The following AQR variants were observed in gnomAD, a reference collection of about 807,000 sequenced individuals.
The protein encoded by AQR is aquarius intron-binding spliceosomal factor.
Under a neutral mutation model 180.5 loss-of-function variants are expected in AQR, and 61 were observed. The observed-to-expected ratio is 0.34, with a 90% CI of 0.28 to 0.42. The LOEUF (loss-of-function observed/expected upper bound fraction) is 0.42, where lower values mean the gene tolerates loss of function less well. AQR is among the 10% of genes least tolerant of loss of function. The probability of loss-of-function intolerance (pLI) is 1.00; values close to 1 mark genes in which losing one functional copy is unlikely to be tolerated. For missense variants in AQR, 1,281 were observed against 1,798.3 expected, an observed-to-expected ratio of 0.71 and a Z score of 5.20; for synonymous variants, 551 against 588.8, an observed-to-expected ratio of 0.94 and a Z score of 0.93.
At chr15:34,968,378 G>C (rs537282040) in intron 1 of AQR, among the ~76,000 whole-genome samples, 1 of 151,468 alleles carries the variant, frequency 6.6e-6, no homozygotes, top group Non-Finnish European at 1.5e-5. Flanking sequence ...TCAGCCTCCC[G>C]AGTAGCTGGG....
intron 2 of AQR, among the ~76,000 whole-genome samples, chr15:34,963,655 C>T (rs910951357): frequency 2.3e-5 from 3 of 131,460 alleles, no homozygotes; most frequent in Non-Finnish European, 3.3e-5. Context: ...AAATTATACA[C>T]GTACACTTTT....
intron 19 of AQR, among the ~76,000 whole-genome samples, chr15:34,901,394 A>C (rs1893329453): frequency 6.6e-6 from 1 of 152,234 alleles, no homozygotes; most frequent in Non-Finnish European, 1.5e-5. Context: ...AAAAGCGAAC[A>C]AAATGATAAA....
intron 3 of AQR, among the ~76,000 whole-genome samples, chr15:34,958,048 A>G (rs1894351133): frequency 6.6e-6 from 1 of 151,888 alleles, no homozygotes; most frequent in Non-Finnish European, 1.5e-5. Context: ...CTCTACTAAA[A>G]ATACAAAAAA....
chr15:34,890,905 T>C (rs1412844242), intron 23 of AQR, among the ~76,000 whole-genome samples: 1 of 152,186 alleles, frequency 6.6e-6, no homozygotes, highest in Non-Finnish European at 1.5e-5. Flanking sequence ...ATAATTAGGG[T>C]TCCCTCGAAT....
intron 24 of AQR, 85 bp downstream of exon 24, chr15:34,890,130 C>A (rs1278688852): frequency 1.7e-6 from 2 of 1,183,172 alleles, no homozygotes; most frequent in Admixed American, 4.4e-5. Context: ...TTTCAGTATT[C>A]ATTGCTTTCT....
chr15:34,963,033 G>A (rs536684391), intron 2 of AQR, among the ~76,000 whole-genome samples: 19 of 152,288 alleles, frequency 1.2e-4, no homozygotes, highest in South Asian at 4.1e-4. Flanking sequence ...CTGGAGTGCA[G>A]TGGCCTGATT....
chr15:34,884,906 C>G (rs1292560432), intron 25 of AQR, among the ~76,000 whole-genome samples, 172 bp from the exon 26 acceptor site: 2 of 152,180 alleles, frequency 1.3e-5, no homozygotes. Context: ...GATTGCTCTT[C>G]TGTTATAAAA....
chr15:34,863,682 C>T (rs921031367), intron 32 of AQR, among the ~76,000 whole-genome samples: 1 of 152,022 alleles, frequency 6.6e-6, no homozygotes, highest in African/African-American at 2.4e-5. Flanking sequence ...AGTGATAAAA[C>T]GGTTAAACTG....
Position 34,855,915 on chromosome 15 carries a change from C to A in AQR, c.*877G>T, listed in dbSNP as rs1030353798. ...TGAAGGTCTCCTTGTGGCTGGTTAT[C>A]CCAAGAAAAATAAGGCAGAAAACTC... On this transcript the variant is annotated 3_prime_UTR_variant, in exon 35 of 35. Coordinates refer to ENST00000156471, the MANE Select transcript of AQR (RefSeq NM_014691.3). The A allele has an allele frequency of 6.6e-6, 1 of 152,160 alleles. No individual in the cohort carries two copies. The highest frequency in any genetic ancestry group is 1.5e-5 in the Non-Finnish European group (1 of 68,032). The allele number at this position is 152,160 out of a possible 1,614,324, so 9.4% of individuals were successfully genotyped here.
At chr15:34,959,284 T>C (rs933479203) in intron 3 of AQR, among the ~76,000 whole-genome samples, 1 of 152,128 alleles carries the variant, frequency 6.6e-6, no homozygotes, top group Non-Finnish European at 1.5e-5. Context: ...CACTTCATCC[T>C]CTTGAGTAAC....
chr15:34,860,915 C>A (rs1447204725), intron 33 of AQR, among the ~76,000 whole-genome samples: 2 of 152,098 alleles, frequency 1.3e-5, no homozygotes, highest in Admixed American at 6.6e-5. Context: ...TAGCTTCTGA[C>A]AACAATCTAA....
chr15:34,872,988 T>G (rs1226044754), intron 30 of AQR, among the ~76,000 whole-genome samples: 1 of 152,136 alleles, frequency 6.6e-6, no homozygotes, highest in Non-Finnish European at 1.5e-5. Flanking sequence ...CTTTTTAAAA[T>G]GAGATACTGT....
intron 15 of AQR, among the ~76,000 whole-genome samples, chr15:34,916,209 T>C (rs1175306480): frequency 1.3e-5 from 2 of 152,212 alleles, no homozygotes; most frequent in Admixed American, 6.5e-5. Flanking sequence ...TTACATTGCA[T>C]AAATCAATCT....
In AQR at chr15:34,898,800, C is replaced by T. The variant is rs556849276; in HGVS notation, c.2244-1095G>A. 5.3e-5 allele frequency among the ~76,000 whole-genome samples: 8 copies of T among 151,310 alleles called. No individual in the cohort carries two copies. The East Asian group carries it at 1.2e-3, about 22-fold the overall frequency. ...TCAGGAGGCTGAGGCAGGAGAATGG[C>T]GTGAACCCGGGAGGCAGAGCTTGCA... On this transcript the variant is annotated intron_variant, in intron 20 of 34. Coordinates refer to ENST00000156471, the MANE Select transcript of AQR (RefSeq NM_014691.3).
chr15:34,902,713 G>A (rs192782647), intron 19 of AQR, among the ~76,000 whole-genome samples: 4 of 152,256 alleles, frequency 2.6e-5, no homozygotes, highest in African/African-American at 7.2e-5. Flanking sequence ...TTTCAGTGAA[G>A]TAACTGAGAT....
intron 33 of AQR, among the ~76,000 whole-genome samples, chr15:34,862,087 C>T (rs8033978): frequency 0.027 from 4,083 of 152,010 alleles, 197 homozygotes; most frequent in African/African-American, 0.092. Flanking sequence ...AACTGGTTAC[C>T]TATGGAGGGA....
intron 19 of AQR, 99 bp from the exon 20 acceptor site, chr15:34,900,962 G>A (rs934680108): frequency 7.0e-6 from 10 of 1,431,956 alleles, no homozygotes; most frequent in Admixed American, 4.9e-5. Context: ...CAGAATTCCC[G>A]AGTGTTTCAG....
chr15:34,886,394 C>T, intron 25 of AQR, 132 bp downstream of exon 25: 1 of 782,720 alleles, frequency 1.3e-6, no homozygotes, highest in Non-Finnish European at 1.9e-6. Flanking sequence ...ATAAATATAG[C>T]ACTTGCAATA....
rs1894058977 is a variant in AQR, at chr15:34,943,456, T to C, written c.471+832A>G. 3 of 471,816 alleles carry C rather than the reference T, an allele frequency of 6.4e-6. No homozygotes were observed. In the South Asian group the frequency reaches 1.4e-4, roughly 22 times the overall value. The allele number at this position is 471,816 out of a possible 1,614,324, so 29.2% of individuals were successfully genotyped here. On this transcript the variant is annotated intron_variant, in intron 6 of 34. Transcript: ENST00000156471. ...TGAGTTTATGTTCAAAATAAATAAA[T>C]AAATAAATAAATAAATAAATAAATA...
Sources: allele counts gnomAD v4.1 joint callset (sites outside exome capture counted in the v4.1 genomes callset), GRCh38; gene constraint gnomAD v4.1.1; transcripts MANE v1.5; gene names NCBI Gene and HGNC (gene_info 2026-07-23, HGNC 2026-07-21).